MYSM1: variants seen among roughly 807,000 people sequenced by gnomAD.
MYSM1 encodes the protein deubiquitinase MYSM1.
MYSM1 carries 51 observed loss-of-function variants against 116.0 expected under a neutral mutation model. That is an observed-to-expected ratio of 0.44 (90% confidence interval 0.35 to 0.56). MYSM1 has a LOEUF of 0.56. MYSM1 is among the 20% of genes least tolerant of loss of function. The pLI is 0.00. For synonymous variants in MYSM1, 313 were observed against 315.2 expected (o/e 0.99, Z 0.07); for missense variants, 900 against 974.9 (o/e 0.92, Z 1.02).
Position 58,667,140 on chromosome 1 carries a change from G to C in MYSM1, c.1929C>G (p.Thr643=). 1 of 1,613,434 alleles carries C rather than the reference G, an allele frequency of 6.2e-7. No individual in the cohort carries two copies. Among genetic ancestry groups the C allele is most frequent in the Non-Finnish European group, 8.5e-7 (1 of 1,179,624 alleles). The change falls in exon 16 of 20, where the codon ACC becomes ACG. Residue 643 remains threonine (T), a synonymous_variant. Coordinates refer to ENST00000472487, the MANE Select transcript of MYSM1 (RefSeq NM_001085487.3). The part of the protein sequence containing the change: ...DPVSQTQASE[T]LAVRGFSVIG... ...TAACACTGAAGCCTCTAACAGCCAA[G>C]GTTTCTGAGGCCTGTGTTTGTGATA...
chr1:58,692,282 T>G (rs893715419), intron 3 of MYSM1: 2 of 152,362 alleles, frequency 1.3e-5, no homozygotes, highest in Admixed American at 6.5e-5. Flanking sequence ...CACTACTTAT[T>G]AGACTATGAC....
rs776976173 is a variant in MYSM1 at position 58,682,153 on chromosome 1, CCA to C, written c.889_890del (p.Trp297AspfsTer2). 1 of 1,613,254 alleles carries C rather than the reference CCA, an allele frequency of 6.2e-7. No homozygotes were observed. Among genetic ancestry groups the C allele is most frequent in the Non-Finnish European group, 8.5e-7 (1 of 1,179,400 alleles). ...ETLSSSEITL[W>X]TEKQSNGDKK... ...TGTCACCATTGCTCTGTTTCTCAGT[CCA>C]CAGTGTAATTTCTGAGCTTGAAAGT... On this transcript the variant is annotated frameshift_variant, in exon 8 of 20. Coordinates refer to ENST00000472487, the MANE Select transcript of MYSM1 (RefSeq NM_001085487.3). LOFTEE classifies it high-confidence loss of function.
chr1:58,660,193 A>C, intron 19 of MYSM1, 38 bp from the exon 20 acceptor site: 1 of 1,377,118 alleles, frequency 7.3e-7, no homozygotes, highest in Non-Finnish European at 9.7e-7. Flanking sequence ...AAATACAGAA[A>C]AAGTATGAGG....
At chr1:58,697,264 G>A (rs919408475) in intron 1 of MYSM1, among the ~76,000 whole-genome samples, 9 of 152,110 alleles carry the variant, frequency 5.9e-5, no homozygotes, top group Admixed American at 5.9e-4. Flanking sequence ...ATCTGGTGGG[G>A]AAAATTTATA....
intron 7 of MYSM1, 141 bp from the exon 8 acceptor site, chr1:58,682,686 T>TAA: frequency 5.8e-6 from 2 of 346,378 alleles, no homozygotes; most frequent in Non-Finnish European, 8.6e-6. Context: ...TGCGCTTTTC[T>TAA]TTTTTTTCTT....
In MYSM1 at chr1:58,667,966, C is replaced by T. The variant is rs75436164; in HGVS notation, c.1768-45G>A. On this transcript the variant is annotated intron_variant, in intron 14 of 19. Coordinates refer to ENST00000472487, the MANE Select transcript of MYSM1 (RefSeq NM_001085487.3). ...GACTTAGCCCAAACGCACAAACCCA[C>T]CTGACAAAGTAACAAAACTCACTTA... 1.3e-3 allele frequency: 1,787 copies of T among 1,328,468 alleles called. 19 individuals carry two copies. The East Asian group carries it at 0.033, about 24-fold the overall frequency. The allele number at this position is 1,328,468 out of a possible 1,614,324, so 82.3% of individuals were successfully genotyped here.
intron 1 of MYSM1, among the ~76,000 whole-genome samples, chr1:58,699,071 T>C (rs549077346): frequency 6.6e-6 from 1 of 152,320 alleles, no homozygotes; most frequent in East Asian, 1.9e-4. Flanking sequence ...ATAAACAACA[T>C]AGCTGGCTGA....
In MYSM1 at chr1:58,677,041, T is replaced by C. The variant is rs579110; in HGVS notation, c.1275A>G (p.Pro425=). ...YILDQWEICK[P]KYLNKTSVRP... ...GTACTGAGGTCTTATTTAAGTATTTTGGTTTGCATATCTCCCTAATTAAGA... is the reference window on the plus strand; with the variant it reads ...GTACTGAGGTCTTATTTAAGTATTTCGGTTTGCATATCTCCCTAATTAAGA... Residue 425 remains proline, a synonymous_variant, in exon 9 of 20, where the codon CCA becomes CCG. Transcript: ENST00000472487. The C allele has an allele frequency of 0.6, 958,008 of 1,600,010 alleles. 288,831 individuals carry two copies. The highest frequency in any genetic ancestry group is 0.68 in the African/African-American group (50,829 of 74,336).
intron 8 of MYSM1, among the ~76,000 whole-genome samples, chr1:58,679,633 A>G (rs958198938): frequency 6.6e-6 from 1 of 152,126 alleles, no homozygotes. Flanking sequence ...TTTTAAAAAA[A>G]TTTTTTGTAG....
intron 8 of MYSM1, among the ~76,000 whole-genome samples, chr1:58,680,067 C>T (rs1229433996): frequency 6.6e-6 from 1 of 150,844 alleles, no homozygotes; most frequent in Non-Finnish European, 1.5e-5. Context: ...AGCCACTACT[C>T]CTGACCAATA....
chr1:58,656,555 CT>C lies in MYSM1; in HGVS notation c.*3441del. 6.6e-6 allele frequency: 1 copy of C among 152,252 alleles called. No individual in the cohort carries two copies. 9.4% of individuals were successfully genotyped at this position (152,252 alleles called of 1,614,324 possible). A position where few individuals can be genotyped will look rare whatever the true frequency, so the allele number is the denominator to read the frequency against. Reference sequence around the variant, plus strand: ...ACTAAAACAAACCACTGCCTCCTATCTTTTTTGAGGATGAATGGTCCCAAGT... The same window carrying C: ...ACTAAAACAAACCACTGCCTCCTATCTTTTTGAGGATGAATGGTCCCAAGT... On this transcript the variant is annotated 3_prime_UTR_variant, in exon 20 of 20. Transcript: ENST00000472487.
chr1:58,658,397 G>A lies in MYSM1; in HGVS notation c.*1600C>T, dbSNP rs1474537625. The A allele has an allele frequency of 6.6e-6, 1 of 151,802 alleles. No homozygotes were observed. The highest frequency in any genetic ancestry group is 1.5e-5 in the Non-Finnish European group (1 of 67,988). 9.4% of individuals were successfully genotyped at this position (151,802 alleles called of 1,614,324 possible). A position where few individuals can be genotyped will look rare whatever the true frequency, so the allele number is the denominator to read the frequency against. ...AACTCAAAATATAAACTTCACAAGA[G>A]TAGTCCAACGATTAGAATGAACAAT... is the stretch of plus-strand genomic sequence containing the variant. On this transcript the variant is annotated 3_prime_UTR_variant, in exon 20 of 20. Coordinates refer to ENST00000472487, the MANE Select transcript of MYSM1 (RefSeq NM_001085487.3).
chr1:58,666,895 A>T (rs11589860), intron 16 of MYSM1, 143 bp downstream of exon 16: 85,821 of 386,298 alleles, frequency 0.22, 11,316 homozygotes, highest in African/African-American at 0.4. Context: ...TAATAATAAA[A>T]ATAAATAAAA....
chr1:58,679,780 A>C (rs4506484), intron 8 of MYSM1, among the ~76,000 whole-genome samples: 95,211 of 151,694 alleles, frequency 0.63, 30,049 homozygotes, highest in African/African-American at 0.69. Context: ...GTAATCCCAG[A>C]ACTTTGGGTG....
intron 14 of MYSM1, chr1:58,668,293 C>T (rs562252200): frequency 3.7e-5 from 15 of 409,610 alleles, no homozygotes; most frequent in Admixed American, 2.8e-4. Context: ...TTGGAGGTAT[C>T]GGTAGTTTAG....
chr1:58,669,054 A>C lies in MYSM1; in HGVS notation c.1662-16T>G. On this transcript the variant is annotated splice_polypyrimidine_tract_variant and intron_variant, in intron 12 of 19. Transcript: ENST00000472487. ...ATCAAACGAGCTGAAAAAGAAAAAA[A>C]ATTTTCAATACAATCTCAACAAGAT... is the stretch of plus-strand genomic sequence containing the variant. The C allele has an allele frequency of 6.5e-7, 1 of 1,546,268 alleles. No homozygotes were observed. The highest frequency in any genetic ancestry group is 8.8e-7 in the Non-Finnish European group (1 of 1,137,084).
At chr1:58,698,102 A>ATATATATATATATATATATATTTT in intron 1 of MYSM1, among the ~76,000 whole-genome samples, 1 of 7,770 alleles carries the variant, frequency 1.3e-4, no homozygotes, top group African/African-American at 2.6e-4. Flanking sequence ...ATATATATAT[A>ATATATATATATATATATATATTTT]TTTTTTTTTT....
chr1:58,668,754 C>T, intron 13 of MYSM1, 72 bp from the exon 14 acceptor site: 1 of 1,355,058 alleles, frequency 7.4e-7, no homozygotes, highest in South Asian at 1.3e-5. Flanking sequence ...ACCTGGAATG[C>T]CCACCCTGTT....
At chr1:58,691,739 C>T (rs1300015800) in intron 3 of MYSM1, among the ~76,000 whole-genome samples, 3 of 151,994 alleles carry the variant, frequency 2.0e-5, no homozygotes, top group African/African-American at 4.8e-5. Flanking sequence ...TGGTGGTGTG[C>T]GCCCATAATC....
Sources: gnomAD v4.1 joint callset for allele counts (sites outside exome capture counted in the v4.1 genomes callset) on GRCh38, gnomAD v4.1.1 for gene constraint, MANE v1.5 for transcripts, NCBI Gene and HGNC (gene_info 2026-07-23, HGNC 2026-07-21) for gene names.